The following RANBP10 variants were observed in gnomAD, a reference collection of about 807,000 sequenced individuals.
RANBP10 encodes RAN binding protein 10.
In RANBP10, 24 loss-of-function variants were observed where a neutral mutation model predicts 72.8. The ratio of observed to expected loss-of-function variants is 0.33; its 90% CI spans 0.24 to 0.46. The LOEUF (loss-of-function observed/expected upper bound fraction) is 0.46, where lower values mean the gene tolerates loss of function less well. Ranked by LOEUF, RANBP10 falls within the 20% of genes least tolerant of loss-of-function variation. RANBP10 has a pLI of 1.00. For missense variants in RANBP10, 679 were observed against 817.5 expected (o/e 0.83, Z 2.07); for synonymous variants, 310 against 322.3 (o/e 0.96, Z 0.41).
chr16:67,747,817 C>CTTTTTT (rs1160482023), intron 3 of RANBP10, among the ~76,000 whole-genome samples: 7 of 121,306 alleles, frequency 5.8e-5, no homozygotes, highest in East Asian at 2.5e-4. Flanking sequence ...ATTTTCTTTT[C>CTTTTTT]TTTTTTTTTT....
chr16:67,801,524 T>C (rs1341733562), intron 2 of RANBP10, among the ~76,000 whole-genome samples: 4 of 152,036 alleles, frequency 2.6e-5, no homozygotes, highest in African/African-American at 9.7e-5. Context: ...ACTCACAAAA[T>C]GGGAAGGTAG....
At chr16:67,778,798 A>C (rs1567705463) in intron 2 of RANBP10, among the ~76,000 whole-genome samples, 1 of 152,244 alleles carries the variant, frequency 6.6e-6, no homozygotes, top group Non-Finnish European at 1.5e-5. Flanking sequence ...AATGCAAATC[A>C]AAACTACAGT....
At position 67,724,873 on chromosome 16, in the gene RANBP10, T is replaced by C. The variant is rs2053574127; in HGVS notation, c.*1555A>G. On this transcript the variant is annotated 3_prime_UTR_variant, in exon 14 of 14. Coordinates refer to ENST00000317506, the MANE Select transcript of RANBP10 (RefSeq NM_020850.3). ...CCTTGCCATGGCTGACCCTACTCTT[T>C]GCATGGGCGGCTTGTGCACTCCCCT... is the stretch of plus-strand genomic sequence containing the variant. The C allele has an allele frequency of 6.6e-6, 1 of 152,376 alleles. No homozygotes were observed. The highest frequency in any genetic ancestry group is 1.5e-5 in the Non-Finnish European group (1 of 68,088). The allele number at this position is 152,376 out of a possible 1,614,324, so 9.4% of individuals were successfully genotyped here. A position where few individuals can be genotyped will look rare whatever the true frequency, so the allele number is the denominator to read the frequency against.
chr16:67,755,746 G>A (rs1442062471), intron 3 of RANBP10, among the ~76,000 whole-genome samples: 1 of 151,538 alleles, frequency 6.6e-6, no homozygotes, highest in Non-Finnish European at 1.5e-5. Flanking sequence ...GGCCCTGCAG[G>A]GAGATACATC....
intron 2 of RANBP10, among the ~76,000 whole-genome samples, chr16:67,786,926 C>A (rs2054927369): frequency 6.6e-6 from 1 of 151,106 alleles, no homozygotes; most frequent in African/African-American, 2.4e-5. Flanking sequence ...GACTCCATCT[C>A]AAAAACAACA....
chr16:67,730,503 G>A lies in RANBP10; in HGVS notation c.890-457C>T, dbSNP rs1019626365. On this transcript the variant is annotated intron_variant, in intron 7 of 13. Coordinates refer to ENST00000317506, the MANE Select transcript of RANBP10 (RefSeq NM_020850.3). This position sits in a 1 kb window ranked among gnomAD's most constrained non-coding sequence, Gnocchi z 4.3. ...CACACTGGTTTCTGACCAGGGCTCT[G>A]GCTGGTGGTCTTCAGGGGCTGCAGC... Among the ~76,000 whole-genome samples, 4 of 152,196 alleles carry A rather than the reference G, an allele frequency of 2.6e-5. No individual in the cohort carries two copies. Among genetic ancestry groups the A allele is most frequent in the Non-Finnish European group, 5.9e-5 (4 of 68,040 alleles).
chr16:67,753,559 T>C (rs545338940), intron 3 of RANBP10, among the ~76,000 whole-genome samples: 1 of 152,170 alleles, frequency 6.6e-6, no homozygotes, highest in Non-Finnish European at 1.5e-5. Flanking sequence ...CTGACTGGAA[T>C]GGGGTAGTCA....
chr16:67,725,268 T>C lies in RANBP10; in HGVS notation c.*1160A>G, dbSNP rs1194533313. 1.3e-5 allele frequency: 2 copies of C among 152,274 alleles called. No homozygotes were observed. Among genetic ancestry groups the C allele is most frequent in the Admixed American group, 6.6e-5 (1 of 15,266 alleles). 9.4% of individuals were successfully genotyped at this position (152,274 alleles called of 1,614,324 possible). A position where few individuals can be genotyped will look rare whatever the true frequency, so the allele number is the denominator to read the frequency against. On this transcript the variant is annotated 3_prime_UTR_variant, in exon 14 of 14. Transcript: ENST00000317506. ...CAAGGATTCCATCCACTCCCTGGAG[T>C]AGCAGCCCAAGAACCTGCCTCCACA...
intron 5 of RANBP10, among the ~76,000 whole-genome samples, chr16:67,737,088 T>C (rs887371428): frequency 1.3e-5 from 2 of 149,306 alleles, no homozygotes; most frequent in African/African-American, 2.5e-5. Flanking sequence ...AGGTGCGGGA[T>C]GGCTGGAGGT....
At chr16:67,733,447 A>G (rs1244687295) in intron 6 of RANBP10, among the ~76,000 whole-genome samples, 1 of 152,222 alleles carries the variant, frequency 6.6e-6, no homozygotes, top group Non-Finnish European at 1.5e-5. Flanking sequence ...AAAAGTCTTT[A>G]TCTACAAGAG....
intron 2 of RANBP10, among the ~76,000 whole-genome samples, chr16:67,804,829 C>A (rs138229250): frequency 6.6e-6 from 1 of 152,022 alleles, no homozygotes; most frequent in African/African-American, 2.4e-5. Context: ...GTGCCTGGCT[C>A]CTAATGCTGA....
chr16:67,732,013 C>A (rs1217733611), intron 6 of RANBP10, among the ~76,000 whole-genome samples: 1 of 152,220 alleles, frequency 6.6e-6, no homozygotes, highest in Non-Finnish European at 1.5e-5. Context: ...GATTTCCAGA[C>A]AGGATGCATG....
At chr16:67,735,149 G>T (rs945641415) in intron 5 of RANBP10, 107 bp from the exon 6 acceptor site, 1 of 1,159,560 alleles carries the variant, frequency 8.6e-7, no homozygotes, top group Non-Finnish European at 1.2e-6. Context: ...TGGGAGAGTT[G>T]CAGCAAGGCT....
In RANBP10 at chr16:67,727,307, T is replaced by C. The variant is rs1567669309; in HGVS notation, c.1732+20A>G. 1.3e-6 allele frequency: 2 copies of C among 1,592,776 alleles called. No homozygotes were observed. The highest frequency in any genetic ancestry group is 1.7e-6 in the Non-Finnish European group (2 of 1,167,864). The stretch of plus-strand genomic sequence containing the variant: ...GAGCAGACTCTGTCTCTAATAATAA[T>C]AATAAATAGATTCACTCACCTAAAA... On this transcript the variant is annotated intron_variant, in intron 13 of 13. Transcript: ENST00000317506.
In RANBP10 at chr16:67,729,620, G is replaced by A. The variant is rs116395614; in HGVS notation, c.1147+60C>T. 3.9e-3 allele frequency: 6,183 copies of A among 1,568,092 alleles called. 51 individuals carry two copies. The highest frequency in any genetic ancestry group is 0.023 in the African/African-American group (1,724 of 74,022). Reference sequence around the variant, plus strand: ...CTGAGCCCAGCCCAGGAAAGGGTATGTGGAGTGGCCTCTCTCCTCCACACC... The same window carrying A: ...CTGAGCCCAGCCCAGGAAAGGGTATATGGAGTGGCCTCTCTCCTCCACACC... On this transcript the variant is annotated intron_variant, in intron 9 of 13. Transcript: ENST00000317506. The surrounding 1 kb of genome is among the most constrained non-coding windows in gnomAD (Gnocchi z 7.1).
Position 67,727,871 on chromosome 16 carries a change from G to A in RANBP10, c.1500C>T (p.Leu500=). The change falls in exon 12 of 14, where the codon CTC becomes CTT. Residue 500 remains leucine (L), a synonymous_variant. Transcript: ENST00000317506. ...CTGTGGCAGCCTGGTTGCCCCCGCA[G>A]AGCTGCCGCCGAGGATGCCTGTCAT... ...SMDDRHPRRQ[L]CGGNQAATER... 2 of 1,614,036 alleles carry A rather than the reference G, an allele frequency of 1.2e-6. No homozygotes were observed. The highest frequency in any genetic ancestry group is 2.2e-5 in the East Asian group (1 of 44,870).
At chr16:67,799,821 G>A (rs1158958928) in intron 2 of RANBP10, among the ~76,000 whole-genome samples, 1 of 151,866 alleles carries the variant, frequency 6.6e-6, no homozygotes, top group Non-Finnish European at 1.5e-5. Flanking sequence ...TGTGCTCCTG[G>A]GGCCCAGGCT....
chr16:67,806,506 C>T lies in RANBP10; in HGVS notation c.31G>A (p.Gly11Arg), dbSNP rs2151171545. The T allele has an allele frequency of 2.0e-6, 3 of 1,527,472 alleles. No homozygotes were observed. Among genetic ancestry groups the T allele is most frequent in the Non-Finnish European group, 2.6e-6 (3 of 1,144,098 alleles). The allele number at this position is 1,527,472 out of a possible 1,614,324, so 94.6% of individuals were successfully genotyped here. Residue 11 changes from glycine (G) to arginine (R), a missense_variant, in exon 1 of 14, where the codon GGG (glycine) becomes AGG (arginine). Coordinates refer to ENST00000317506, the MANE Select transcript of RANBP10 (RefSeq NM_020850.3). The stretch of plus-strand genomic sequence containing the variant: ...GAGGAGTCCCCAGGCTGCGGGTTCC[C>T]AGCTCCCGGGTCTGCCGTCGCTGCC... MAAATADPGA[G>R]NPQPGDSSGG... is the part of the protein sequence containing the mutation.
At chr16:67,777,546 G>C (rs1330801097) in intron 2 of RANBP10, among the ~76,000 whole-genome samples, 1 of 148,584 alleles carries the variant, frequency 6.7e-6, no homozygotes, top group Non-Finnish European at 1.5e-5. Context: ...AAAACAAAAC[G>C]AAAAAAAAAG....
Sources: gnomAD v4.1 joint callset for allele counts (sites outside exome capture counted in the v4.1 genomes callset) on GRCh38, gnomAD v4.1.1 for gene constraint, Gnocchi (gnomAD v3.1) non-coding constraint, MANE v1.5 for transcripts, NCBI Gene and HGNC (gene_info 2026-07-23, HGNC 2026-07-21) for gene names.